Variants in FOXP4 observed in about 807,000 individuals in gnomAD.
The protein encoded by FOXP4 is forkhead box protein P4.
Under a neutral mutation model 82.6 loss-of-function variants are expected in FOXP4, and 25 were observed. The observed-to-expected ratio is 0.30, with a 90% confidence interval of 0.22 to 0.42. The LOEUF (loss-of-function observed/expected upper bound fraction) is 0.42. FOXP4 is among the 10% of genes least tolerant of loss of function. The pLI is 1.00. For missense variants in FOXP4, 785 were observed against 900.9 expected, an observed-to-expected ratio of 0.87 and a Z score of 1.65; for synonymous variants, 415 against 388.2, an observed-to-expected ratio of 1.07 and a Z score of -0.81.
chr6:41,571,148 C>G (rs889343390), intron 2 of FOXP4, among the ~76,000 whole-genome samples: 2 of 152,132 alleles, frequency 1.3e-5, no homozygotes. Flanking sequence ...CACTGCCACT[C>G]GGTCACCCAC....
chr6:41,578,205 T>C, intron 3 of FOXP4, 124 bp downstream of exon 3: 1 of 763,584 alleles, frequency 1.3e-6, no homozygotes, highest in Non-Finnish European at 2.1e-6. Flanking sequence ...TGGGCAACTT[T>C]TCAAAGGAAA....
chr6:41,580,115 C>T lies in FOXP4; in HGVS notation c.300+2034C>T, dbSNP rs7749119. Among the ~76,000 whole-genome samples, 530 of 148,640 alleles carry T rather than the reference C, an allele frequency of 3.6e-3. 2 individuals carry two copies. Among genetic ancestry groups the T allele is most frequent in the African/African-American group, 0.013 (502 of 40,096 alleles). Reference sequence around the variant, plus strand: ...GGAGTGCAATGCCGTGATTTCAGCTCACCACAACCTCTGCCTCCCGGGTTC... The same window carrying T: ...GGAGTGCAATGCCGTGATTTCAGCTTACCACAACCTCTGCCTCCCGGGTTC... On this transcript the variant is annotated intron_variant, in intron 3 of 16. Transcript: ENST00000307972.
chr6:41,575,381 G>A (rs1279746266), intron 2 of FOXP4, among the ~76,000 whole-genome samples: 2 of 152,158 alleles, frequency 1.3e-5, no homozygotes, highest in Admixed American at 6.5e-5. Flanking sequence ...TCCCTGGCAC[G>A]CAGCAGGTAC....
intron 11 of FOXP4, 21 bp from the exon 12 acceptor site, chr6:41,590,247 CTCA>C: frequency 6.2e-7 from 1 of 1,613,658 alleles, no homozygotes; most frequent in Non-Finnish European, 8.5e-7. Context: ...ATCTGGCTAC[CTCA>C]TCCTCTGCCT....
intron 3 of FOXP4, among the ~76,000 whole-genome samples, chr6:41,583,774 G>C (rs781429725): frequency 1.3e-5 from 2 of 152,180 alleles, no homozygotes; most frequent in African/African-American, 2.4e-5. Flanking sequence ...GCACAAGCCT[G>C]GGGGGTTCAG....
chr6:41,588,509 C>A, intron 8 of FOXP4, 135 bp from the exon 9 acceptor site: 1 of 846,364 alleles, frequency 1.2e-6, no homozygotes, highest in Non-Finnish European at 1.9e-6. Flanking sequence ...CCCGTTTTTC[C>A]ACCTCTTTCT....
At chr6:41,564,140 A>G (rs1764743823) in intron 1 of FOXP4, among the ~76,000 whole-genome samples, 1 of 152,194 alleles carries the variant, frequency 6.6e-6, no homozygotes. Flanking sequence ...AGAATTTTAG[A>G]ACAGCTTTTC....
chr6:41,575,898 A>G (rs1031455464), intron 2 of FOXP4, among the ~76,000 whole-genome samples: 1 of 151,532 alleles, frequency 6.6e-6, no homozygotes, highest in Non-Finnish European at 1.5e-5. Flanking sequence ...CTGGCCTCTG[A>G]CCCCTGTACC....
chr6:41,560,228 T>C lies in FOXP4; in HGVS notation c.-16-5517T>C, dbSNP rs545903857. Among the ~76,000 whole-genome samples, 11 of 151,766 alleles carry C rather than the reference T, an allele frequency of 7.2e-5. No individual in the cohort carries two copies. In the South Asian group the frequency reaches 2.3e-3, roughly 32 times the overall value. On this transcript the variant is annotated intron_variant, in intron 1 of 16. Transcript: ENST00000307972. ...AGGGAGGATCACTTGAGCCCAGGAG[T>C]TGGAAACCAGCCTGGGCAACAAAGT... is the stretch of plus-strand genomic sequence containing the variant.
chr6:41,582,611 G>A (rs1259068474), intron 3 of FOXP4, among the ~76,000 whole-genome samples: 1 of 152,170 alleles, frequency 6.6e-6, no homozygotes, highest in East Asian at 1.9e-4. Context: ...GTCTTTGGAT[G>A]GCAAAACCCA....
At chr6:41,557,993 T>A (rs1248802976) in intron 1 of FOXP4, among the ~76,000 whole-genome samples, 1 of 152,124 alleles carries the variant, frequency 6.6e-6, no homozygotes, top group Admixed American at 6.5e-5. Flanking sequence ...CCAAGTGTTG[T>A]GCTAAGAAGC....
intron 2 of FOXP4, among the ~76,000 whole-genome samples, chr6:41,574,741 A>C (rs935651494): frequency 6.6e-6 from 1 of 152,210 alleles, no homozygotes; most frequent in Non-Finnish European, 1.5e-5. Flanking sequence ...CAGTGCCAGC[A>C]GGCAGTGTGA....
chr6:41,565,951 TC>T lies in FOXP4; in HGVS notation c.193del (p.Gln65SerfsTer20), dbSNP rs1562018111. On this transcript the variant is annotated frameshift_variant, in exon 2 of 17. Coordinates refer to ENST00000307972, the MANE Select transcript of FOXP4 (RefSeq NM_001012426.2). LOFTEE classifies it high-confidence loss of function. Reference protein sequence around the residue: ...GEMSPAELLHFQQQQALQVAR... With the variant: ...GEMSPAELLHXQQQQALQVAR... Reference sequence around the variant, plus strand: ...ATGAGTCCCGCAGAGCTGCTGCACTTCCAGCAGCAACAGGTAGGAACTGGTG... The same window carrying T: ...ATGAGTCCCGCAGAGCTGCTGCACTTCAGCAGCAACAGGTAGGAACTGGTG... 1 of 1,613,358 alleles carries T rather than the reference TC, an allele frequency of 6.2e-7. No homozygotes were observed. Among genetic ancestry groups the T allele is most frequent in the Non-Finnish European group, 8.5e-7 (1 of 1,179,658 alleles).
intron 1 of FOXP4, among the ~76,000 whole-genome samples, chr6:41,556,605 T>G (rs1377637972): frequency 3.3e-5 from 5 of 152,206 alleles, no homozygotes; most frequent in African/African-American, 9.7e-5. Flanking sequence ...ATTACAGGTG[T>G]GAGCCACCGC....
In FOXP4 at chr6:41,591,561, A is replaced by G. The variant is rs761967119; in HGVS notation, c.1536+239A>G. ...GGTGCTGCCTCCTTTCTGGGAAGCA[A>G]TCCTTCTCTAGGGTACACCCCCAAG... On this transcript the variant is annotated intron_variant, in intron 13 of 16. Transcript: ENST00000307972. The surrounding 1 kb of genome is among the most constrained non-coding windows in gnomAD (Gnocchi z 4.2). 3.9e-5 allele frequency among the ~76,000 whole-genome samples: 6 copies of G among 152,086 alleles called. No individual in the cohort carries two copies. The highest frequency in any genetic ancestry group is 9.7e-5 in the African/African-American group (4 of 41,400).
intron 2 of FOXP4, among the ~76,000 whole-genome samples, chr6:41,574,651 G>C (rs528885875): frequency 1.7e-4 from 26 of 152,330 alleles, no homozygotes; most frequent in African/African-American, 6.3e-4. Flanking sequence ...CAAAGAAAGT[G>C]GGGCTGGGGA....
chr6:41,569,108 C>T (rs1006298186), intron 2 of FOXP4, among the ~76,000 whole-genome samples: 59 of 152,208 alleles, frequency 3.9e-4, no homozygotes, highest in Non-Finnish European at 4.7e-4. Context: ...AGAGCCATAT[C>T]ACCTCCACGC....
chr6:41,595,106 G>A, intron 14 of FOXP4, 115 bp downstream of exon 14: 1 of 1,490,770 alleles, frequency 6.7e-7, no homozygotes. Context: ...CTGGCTGGGG[G>A]AAGGGGTGTG....
chr6:41,595,224 A>T (rs1766762625), intron 14 of FOXP4, among the ~76,000 whole-genome samples: 1 of 152,224 alleles, frequency 6.6e-6, no homozygotes, highest in South Asian at 2.1e-4. Flanking sequence ...CCTCACTCTG[A>T]CTGAGGGAAG....
Sources: gnomAD v4.1 joint callset for allele counts (sites outside exome capture counted in the v4.1 genomes callset) on GRCh38, gnomAD v4.1.1 for gene constraint, Gnocchi (gnomAD v3.1) non-coding constraint, MANE v1.5 for transcripts, NCBI Gene and HGNC (gene_info 2026-07-23, HGNC 2026-07-21) for gene names.